IGF1R: variants seen among roughly 807,000 people sequenced by gnomAD.
IGF1R encodes insulin like growth factor 1 receptor.
In IGF1R, 44 loss-of-function variants were observed where a neutral mutation model predicts 144.6. The ratio of observed to expected loss-of-function variants is 0.30; its 90% CI spans 0.24 to 0.39. The LOEUF is 0.39. Ranked by LOEUF, IGF1R falls within the 10% of genes least tolerant of loss-of-function variation. IGF1R has a pLI of 1.00. For missense variants in IGF1R, 1,355 were observed against 1,833.7 expected (o/e 0.74, Z 4.77); for synonymous variants, 795 against 722.8 (o/e 1.10, Z -1.60).
At chr15:98,730,232 A>C (rs967192874) in intron 2 of IGF1R, among the ~76,000 whole-genome samples, 39 of 150,620 alleles carry the variant, frequency 2.6e-4, no homozygotes, top group African/African-American at 9.1e-4. Context: ...TGTGATTTTC[A>C]ATTTTTTTTT....
At chr15:98,735,673 C>T (rs1231861281) in intron 2 of IGF1R, among the ~76,000 whole-genome samples, 3 of 152,222 alleles carry the variant, frequency 2.0e-5, no homozygotes, top group African/African-American at 4.8e-5. Flanking sequence ...ATAGCAAACA[C>T]CCACTATGGC....
At chr15:98,765,980 C>T (rs1161981493) in intron 2 of IGF1R, among the ~76,000 whole-genome samples, 1 of 152,136 alleles carries the variant, frequency 6.6e-6, no homozygotes, top group Admixed American at 6.5e-5. Context: ...GGCAGTGGTG[C>T]AACCCCTTAC....
intron 2 of IGF1R, among the ~76,000 whole-genome samples, chr15:98,766,567 G>A (rs1369737173): frequency 6.6e-6 from 1 of 152,172 alleles, no homozygotes; most frequent in Non-Finnish European, 1.5e-5. Flanking sequence ...TTGAGTAGTT[G>A]AGTTGGGGAT....
chr15:98,847,652 A>C (rs1218122185), intron 2 of IGF1R, among the ~76,000 whole-genome samples: 1 of 152,208 alleles, frequency 6.6e-6, no homozygotes, highest in Non-Finnish European at 1.5e-5. Context: ...TTTGAGGTGC[A>C]TTTTAGTTGG....
At chr15:98,895,426 A>T (rs902023398) in intron 3 of IGF1R, among the ~76,000 whole-genome samples, 7 of 151,572 alleles carry the variant, frequency 4.6e-5, no homozygotes, top group Non-Finnish European at 1.0e-4. Context: ...TTTTTTTTTT[A>T]AATGGAAAGT....
intron 2 of IGF1R, among the ~76,000 whole-genome samples, chr15:98,825,665 G>C (rs1168582397): frequency 6.6e-6 from 1 of 152,142 alleles, no homozygotes; most frequent in Non-Finnish European, 1.5e-5. Flanking sequence ...TGTCTTCTAC[G>C]GAACCGATCC....
intron 20 of IGF1R, among the ~76,000 whole-genome samples, chr15:98,953,312 C>G (rs547797646): frequency 3.7e-4 from 56 of 152,322 alleles, no homozygotes; most frequent in Middle Eastern, 3.4e-3. Flanking sequence ...GTGTCGAGGT[C>G]TGAGTCTCAA....
intron 1 of IGF1R, among the ~76,000 whole-genome samples, chr15:98,706,348 T>G (rs145539219): frequency 2.6e-5 from 4 of 152,356 alleles, no homozygotes; most frequent in Admixed American, 2.6e-4. Flanking sequence ...TAAAAAAGGT[T>G]ATCACAAAGA....
In IGF1R at chr15:98,762,626, G is replaced by C. The variant is rs2312239; in HGVS notation, c.640+54519G>C. On this transcript the variant is annotated intron_variant, in intron 2 of 20. Transcript: ENST00000650285. The stretch of plus-strand genomic sequence containing the variant: ...GCCTGTAATCCCAGTTACTCGGGAG[G>C]CTGAGGCAGGAGAATTGCTTGAACC... Among the ~76,000 whole-genome samples the C allele has an allele frequency of 4.8e-4, 73 of 151,642 alleles. No individual in the cohort carries two copies. The East Asian group carries it at 9.4e-3, about 19-fold the overall frequency.
At chr15:98,811,746 GA>G (rs1042547268) in intron 2 of IGF1R, among the ~76,000 whole-genome samples, 1 of 151,630 alleles carries the variant, frequency 6.6e-6, no homozygotes, top group Non-Finnish European at 1.5e-5. Context: ...CTAACACGGT[GA>G]AACCCCGTGT....
At chr15:98,685,451 TTAA>T (rs1416214878) in intron 1 of IGF1R, among the ~76,000 whole-genome samples, 2 of 151,734 alleles carry the variant, frequency 1.3e-5, no homozygotes, top group Non-Finnish European at 2.9e-5. Context: ...TCTGGGGAGG[TTAA>T]TAATAATCTA....
chr15:98,942,896 G>C (rs201141588), intron 18 of IGF1R, 27 bp from the exon 19 acceptor site: 338 of 1,613,750 alleles, frequency 2.1e-4, no homozygotes, highest in Non-Finnish European at 2.7e-4. Context: ...TCCAGCGTGT[G>C]ACTCTGCGCC....
At position 98,855,468 on chromosome 15, in the gene IGF1R, G is replaced by A. The variant is rs143292052; in HGVS notation, c.641-35857G>A. On this transcript the variant is annotated intron_variant, in intron 2 of 20. Transcript: ENST00000650285. ...GTGCTTTTTATCATCCATAGATGGA[G>A]ATGTTATCTATGCTATAGGACTGCA... Among the ~76,000 whole-genome samples, 596 of 152,336 alleles carry A rather than the reference G, an allele frequency of 3.9e-3. 5 individuals are homozygous for A. Among genetic ancestry groups the A allele is most frequent in the African/African-American group, 0.013 (547 of 41,572 alleles).
At chr15:98,753,515 G>A (rs2055073983) in intron 2 of IGF1R, among the ~76,000 whole-genome samples, 2 of 150,594 alleles carry the variant, frequency 1.3e-5, no homozygotes, top group Admixed American at 6.7e-5. Flanking sequence ...TTACAGATGT[G>A]AGCCACTATG....
At chr15:98,897,508 G>A (rs1445311423) in intron 4 of IGF1R, 1 of 154,468 alleles carries the variant, frequency 6.5e-6, no homozygotes, top group East Asian at 1.9e-4. Context: ...TTCTGAGTTG[G>A]ATTTGTGCAA....
chr15:98,762,526 C>G (rs1350258272), intron 2 of IGF1R, among the ~76,000 whole-genome samples: 1 of 152,158 alleles, frequency 6.6e-6, no homozygotes, highest in Non-Finnish European at 1.5e-5. Context: ...TCAGGAGTTT[C>G]AGACCAGCCT....
At chr15:98,929,072 A>G (rs1230438011) in intron 13 of IGF1R, among the ~76,000 whole-genome samples, 1 of 152,130 alleles carries the variant, frequency 6.6e-6, no homozygotes, top group African/African-American at 2.4e-5. Flanking sequence ...TTAGAAATAG[A>G]ATGCTTGCTG....
chr15:98,914,362 A>T (rs2015151032), intron 8 of IGF1R, among the ~76,000 whole-genome samples: 1 of 152,244 alleles, frequency 6.6e-6, no homozygotes, highest in Non-Finnish European at 1.5e-5. Context: ...AAATACCCAT[A>T]AGCGAGCACA....
chr15:98,658,111 A>G (rs1410332701), intron 1 of IGF1R, among the ~76,000 whole-genome samples: 1 of 152,216 alleles, frequency 6.6e-6, no homozygotes. Context: ...CCTGTGCTGT[A>G]GGGATCCACT....
Sources: allele counts gnomAD v4.1 joint callset (sites outside exome capture counted in the v4.1 genomes callset), GRCh38; gene constraint gnomAD v4.1.1; transcripts MANE v1.5; gene names NCBI Gene and HGNC (gene_info 2026-07-23, HGNC 2026-07-21).